The following ATP4A variants were observed in gnomAD, a reference collection of about 807,000 sequenced individuals.
The protein encoded by ATP4A is potassium-transporting ATPase alpha chain 1.
In ATP4A, 73 loss-of-function variants were observed where a neutral mutation model predicts 112.1. That is an observed-to-expected ratio of 0.65 (90% confidence interval 0.54 to 0.79). The LOEUF (loss-of-function observed/expected upper bound fraction) is 0.79, where lower values mean the gene tolerates loss of function less well. Ranked by LOEUF, ATP4A falls within the 30% of genes least tolerant of loss-of-function variation. The pLI is 0.00. For missense variants in ATP4A, 1,081 were observed against 1,425.9 expected (o/e 0.76, Z 3.90); for synonymous variants, 588 against 588.9 (o/e 1.00, Z 0.02).
Position 35,555,032 on chromosome 19 carries a change from AT to A in ATP4A, c.2370del (p.Leu791Ter). 6.2e-7 allele frequency: 1 copy of A among 1,614,060 alleles called. No individual in the cohort carries two copies. The highest frequency in any genetic ancestry group is 1.7e-5 in the Admixed American group (1 of 60,010). ...GTCAGCTCTGGGATGTTCTTGGTCA[AT>A]GTGTAGGCAATAGACTTCTTCAGGT... ...FDNLKKSIAYTLTKNIPELTP... is the reference protein window; with the variant it reads ...FDNLKKSIAYXLTKNIPELTP... On this transcript the variant is annotated frameshift_variant, in exon 16 of 22. Coordinates refer to ENST00000262623, the MANE Select transcript of ATP4A (RefSeq NM_000704.3). LOFTEE classifies it high-confidence loss of function. This position sits in a 1 kb window ranked among gnomAD's most constrained non-coding sequence, Gnocchi z 6.6.
In ATP4A at chr19:35,551,832, G is replaced by A. The variant is rs2071603822; in HGVS notation, c.2752-252C>T. Among the ~76,000 whole-genome samples the A allele has an allele frequency of 6.6e-6, 1 of 152,122 alleles. No individual in the cohort carries two copies. Among genetic ancestry groups the A allele is most frequent in the East Asian group, 1.9e-4 (1 of 5,184 alleles). ...CAGTGGCCGGGAAAACTGTAGGCTG[G>A]GCCGACTGCTTTCATAGTGAAAGGG... On this transcript the variant is annotated intron_variant, in intron 18 of 21. Coordinates refer to ENST00000262623, the MANE Select transcript of ATP4A (RefSeq NM_000704.3). This position sits in a 1 kb window ranked among gnomAD's most constrained non-coding sequence, Gnocchi z 5.2.
chr19:35,553,280 A>G (rs915783988), intron 17 of ATP4A, 98 bp from the exon 18 acceptor site: 34 of 1,393,548 alleles, frequency 2.4e-5, no homozygotes, highest in Non-Finnish European at 2.9e-5. Context: ...CAGATACACA[A>G]AGGTCAAGGA....
chr19:35,558,058 T>C lies in ATP4A; in HGVS notation c.1501-211A>G, dbSNP rs2071642986. Reference sequence around the variant, plus strand: ...CGTTAAGGCGGGGCTAGGTGCAGATTTGGAGTCCTGGACGCAGGGAATGAA... The same window carrying C: ...CGTTAAGGCGGGGCTAGGTGCAGATCTGGAGTCCTGGACGCAGGGAATGAA... On this transcript the variant is annotated intron_variant, in intron 10 of 21. Coordinates refer to ENST00000262623, the MANE Select transcript of ATP4A (RefSeq NM_000704.3). This position sits in a 1 kb window ranked among gnomAD's most constrained non-coding sequence, Gnocchi z 5.1. 1.6e-6 allele frequency: 1 copy of C among 607,348 alleles called. No homozygotes were observed. The highest frequency in any genetic ancestry group is 3.1e-5 in the Admixed American group (1 of 31,926). The allele number at this position is 607,348 out of a possible 1,614,324, so 37.6% of individuals were successfully genotyped here.
In ATP4A at chr19:35,560,784, T is replaced by C. The variant is rs770594746; in HGVS notation, c.534+35A>G. On this transcript the variant is annotated intron_variant, in intron 5 of 21. Coordinates refer to ENST00000262623, the MANE Select transcript of ATP4A (RefSeq NM_000704.3). The surrounding 1 kb of genome is among the most constrained non-coding windows in gnomAD (Gnocchi z 5.1). ...GGCTACAGGAGCAGTTTGGAGTCTCTGGGATCTGGAGTGGCTGGGTGCTGG... is the reference window on the plus strand; with the variant it reads ...GGCTACAGGAGCAGTTTGGAGTCTCCGGGATCTGGAGTGGCTGGGTGCTGG... 2 of 1,605,582 alleles carry C rather than the reference T, an allele frequency of 1.2e-6. No individual in the cohort carries two copies. The highest frequency in any genetic ancestry group is 3.3e-5 in the Admixed American group (2 of 59,984).
In ATP4A at chr19:35,558,745, G is replaced by T; in HGVS notation, c.1256-59C>A. The T allele has an allele frequency of 2.0e-6, 3 of 1,499,660 alleles. No individual in the cohort carries two copies. Among genetic ancestry groups the T allele is most frequent in the South Asian group, 2.5e-5 (2 of 80,800 alleles). 92.9% of individuals were successfully genotyped at this position (1,499,660 alleles called of 1,614,324 possible). On this transcript the variant is annotated intron_variant, in intron 8 of 21. Transcript: ENST00000262623. The surrounding 1 kb of genome is among the most constrained non-coding windows in gnomAD (Gnocchi z 5.1). ...GGCGGCTCTCCCGGACCAGAACCGA[G>T]CCCCCTCCTCCTAGGCTCATATCGC...
At position 35,555,216 on chromosome 19, in the gene ATP4A, A is replaced by G; in HGVS notation, c.2276T>C (p.Met759Thr). Reference sequence around the variant, plus strand: ...GGCAAAGTTGTCATCCAGCAGGATCATGTCAGCTGCATTTTTGGCAGCATC... The same window carrying G: ...GGCAAAGTTGTCATCCAGCAGGATCGTGTCAGCTGCATTTTTGGCAGCATC... ...GSDAAKNAAD[M>T]ILLDDNFASI... is the part of the protein sequence containing the mutation. Residue 759 changes from methionine to threonine, a missense_variant, in exon 15 of 22, where the codon ATG (methionine) becomes ACG (threonine). This residue lies in a region of ATP4A where 850 missense variants were observed against 1,068.2 expected (regional missense o/e 0.80). Transcript: ENST00000262623. The surrounding 1 kb of genome is among the most constrained non-coding windows in gnomAD (Gnocchi z 6.6). 6.2e-7 allele frequency: 1 copy of G among 1,614,178 alleles called. No individual in the cohort carries two copies. The highest frequency in any genetic ancestry group is 8.5e-7 in the Non-Finnish European group (1 of 1,180,028).
rs780653580 is a variant in ATP4A, at chr19:35,563,611, C to G, written c.12+7G>C. 4 of 1,613,892 alleles carry G rather than the reference C, an allele frequency of 2.5e-6. No individual in the cohort carries two copies. In the East Asian group the frequency reaches 8.9e-5, roughly 36 times the overall value. ...CACTGCACCCCGGACCCCTGGGCCC[C>G]ACTCACGGCCTTCCCCATGGTGCCC... On this transcript the variant is annotated splice_region_variant and intron_variant, in intron 1 of 21. Coordinates refer to ENST00000262623, the MANE Select transcript of ATP4A (RefSeq NM_000704.3).
rs1465112645 is a variant in ATP4A, at chr19:35,558,570, C to A, written c.1365+7G>T. On this transcript the variant is annotated splice_region_variant and intron_variant, in intron 9 of 21. Coordinates refer to ENST00000262623, the MANE Select transcript of ATP4A (RefSeq NM_000704.3). This position sits in a 1 kb window ranked among gnomAD's most constrained non-coding sequence, Gnocchi z 5.1. Reference sequence around the variant, plus strand: ...CCGGGATTCCCTGGAGGCCCCCTGGCTCTCACCTTGGGCACAGGCACTGCA... The same window carrying A: ...CCGGGATTCCCTGGAGGCCCCCTGGATCTCACCTTGGGCACAGGCACTGCA... The A allele has an allele frequency of 2.5e-6, 4 of 1,599,754 alleles. No individual in the cohort carries two copies. The South Asian group carries it at 3.4e-5, about 14-fold the overall frequency.
chr19:35,553,693 C>A lies in ATP4A; in HGVS notation c.2605+13G>T. On this transcript the variant is annotated intron_variant, in intron 17 of 21. Transcript: ENST00000262623. ...CCCCCCACCTCCAGGCTCCCCGGCC[C>A]ACGGGCACCCACCAATCTGGAAGTA... 1.2e-6 allele frequency: 2 copies of A among 1,612,764 alleles called. No homozygotes were observed. Among genetic ancestry groups the A allele is most frequent in the Non-Finnish European group, 1.7e-6 (2 of 1,179,580 alleles).
rs1414693287 is a variant in ATP4A, at chr19:35,559,652, T to G, written c.1056+153A>C. Among the ~76,000 whole-genome samples, 1 of 152,206 alleles carries G rather than the reference T, an allele frequency of 6.6e-6. No individual in the cohort carries two copies. The highest frequency in any genetic ancestry group is 1.5e-5 in the Non-Finnish European group (1 of 68,040). On this transcript the variant is annotated intron_variant, in intron 7 of 21. Coordinates refer to ENST00000262623, the MANE Select transcript of ATP4A (RefSeq NM_000704.3). This position sits in a 1 kb window ranked among gnomAD's most constrained non-coding sequence, Gnocchi z 4.1. The stretch of plus-strand genomic sequence containing the variant: ...CCCCAGGGTTGCCTCGGGAAGGACT[T>G]GCTGAATGAGTGGATGATGGGAAGG...
intron 18 of ATP4A, 81 bp downstream of exon 18, chr19:35,552,956 G>A (rs1398256378): frequency 1.3e-6 from 2 of 1,483,492 alleles, no homozygotes. Flanking sequence ...CACACGTGGA[G>A]GAACAAGTGG....
rs981736352 is a variant in ATP4A, at chr19:35,551,525, C to A, written c.2807G>T (p.Ser936Ile). 1 of 1,613,948 alleles carries A rather than the reference C, an allele frequency of 6.2e-7. No individual in the cohort carries two copies. The highest frequency in any genetic ancestry group is 1.3e-5 in the African/African-American group (1 of 74,912). ...QYTCYTVFFISIEVCQIADVL... is the reference protein window; with the variant it reads ...QYTCYTVFFIIIEVCQIADVL... ...ATCGGCGATCTGGCACACCTCAATG[C>A]TGATGAAGAACACGGTGTAGCAGGT... is the stretch of plus-strand genomic sequence containing the variant. The change falls in exon 19 of 22, where the codon AGC becomes ATC. Residue 936 changes from serine to isoleucine, a missense_variant. By Grantham distance (142) the Ser-to-Ile change is moderately radical. Around this residue, in one of 3 missense-constraint regions of ATP4A, gnomAD observed 219 missense variants for 320.9 expected, o/e 0.68. Transcript: ENST00000262623. This position sits in a 1 kb window ranked among gnomAD's most constrained non-coding sequence, Gnocchi z 5.2.
At chr19:35,563,161 T>C in intron 3 of ATP4A, 48 bp downstream of exon 3, 2 of 1,561,818 alleles carry the variant, frequency 1.3e-6, no homozygotes, top group Non-Finnish European at 1.7e-6. Flanking sequence ...TCCCTCTCCC[T>C]CCCTCTCTCC....
rs2071604449 is a variant in ATP4A at position 35,551,928 on chromosome 19, T to G, written c.2752-348A>C. Among the ~76,000 whole-genome samples, 1 of 152,136 alleles carries G rather than the reference T, an allele frequency of 6.6e-6. No homozygotes were observed. Among genetic ancestry groups the G allele is most frequent in the East Asian group, 1.9e-4 (1 of 5,190 alleles). ...CTCAGATGGGATTTGCAAAGTCCAG[T>G]GACTCCAGGGGCCAGGCAGATGGCA... On this transcript the variant is annotated intron_variant, in intron 18 of 21. Coordinates refer to ENST00000262623, the MANE Select transcript of ATP4A (RefSeq NM_000704.3). This position sits in a 1 kb window ranked among gnomAD's most constrained non-coding sequence, Gnocchi z 5.2.
intron 3 of ATP4A, 129 bp from the exon 4 acceptor site, chr19:35,562,767 C>T: frequency 2.2e-6 from 2 of 925,804 alleles, no homozygotes; most frequent in South Asian, 3.5e-5. Context: ...CTCTTTGTCT[C>T]TTGGTTCCTG....
In ATP4A at chr19:35,557,350, T is replaced by G. The variant is rs149186972; in HGVS notation, c.1694-262A>C. 1.3e-5 allele frequency among the ~76,000 whole-genome samples: 2 copies of G among 152,180 alleles called. No individual in the cohort carries two copies. Among genetic ancestry groups the G allele is most frequent in the Non-Finnish European group, 2.9e-5 (2 of 68,042 alleles). On this transcript the variant is annotated intron_variant, in intron 11 of 21. Transcript: ENST00000262623. This position sits in a 1 kb window ranked among gnomAD's most constrained non-coding sequence, Gnocchi z 4.4. ...CACACAGCAAGTAAAAGGCCCAGAA[T>G]TGGACCACAGATCTGCTTTCTAGGG...
rs527719420 is a variant in ATP4A, at chr19:35,556,221, G to C, written c.1870-409C>G. Among the ~76,000 whole-genome samples the C allele has an allele frequency of 5.3e-5, 8 of 152,262 alleles. No homozygotes were observed. The South Asian group carries it at 1.5e-3, about 28-fold the overall frequency. ...GGAGAACAGCAGGTGCAAAGGCCCT[G>C]AGGTGAGGACAGGCCCGAACTGTCG... On this transcript the variant is annotated intron_variant, in intron 12 of 21. Coordinates refer to ENST00000262623, the MANE Select transcript of ATP4A (RefSeq NM_000704.3).
chr19:35,563,169 T>G (rs1460066496), intron 3 of ATP4A, 40 bp downstream of exon 3: 1 of 1,589,124 alleles, frequency 6.3e-7, no homozygotes, highest in Non-Finnish European at 8.6e-7. Context: ...CCTCCCTCTC[T>G]CCTCCTCCCC....
In ATP4A at chr19:35,558,078, A is replaced by T; in HGVS notation, c.1501-231T>A. ...CAGATTTGGAGTCCTGGACGCAGGG[A>T]ATGAACAGAATTAGGGTGCGGAGTT... is the stretch of plus-strand genomic sequence containing the variant. On this transcript the variant is annotated intron_variant, in intron 10 of 21. Coordinates refer to ENST00000262623, the MANE Select transcript of ATP4A (RefSeq NM_000704.3). The surrounding 1 kb of genome is among the most constrained non-coding windows in gnomAD (Gnocchi z 5.1). The T allele has an allele frequency of 1.6e-6, 1 of 606,198 alleles. No homozygotes were observed. The highest frequency in any genetic ancestry group is 2.9e-6 in the Non-Finnish European group (1 of 350,326). The allele number at this position is 606,198 out of a possible 1,614,324, so 37.6% of individuals were successfully genotyped here. A position where few individuals can be genotyped will look rare whatever the true frequency, so the allele number is the denominator to read the frequency against.
Sources: allele counts gnomAD v4.1 joint callset (sites outside exome capture counted in the v4.1 genomes callset), GRCh38; gene constraint gnomAD v4.1.1; regional missense constraint gnomAD v4.1.1; non-coding constraint Gnocchi (gnomAD v3.1); transcripts MANE v1.5; gene names NCBI Gene and HGNC (gene_info 2026-07-23, HGNC 2026-07-21).